Variants in LMBRD2 observed in about 807,000 individuals in gnomAD.
LMBRD2 encodes the protein LMBR1 domain containing 2.
In LMBRD2, 55 loss-of-function variants were observed where a neutral mutation model predicts 94.4. The observed-to-expected ratio is 0.58, with a 90% CI of 0.47 to 0.73. LMBRD2 has a LOEUF of 0.73. Among genes scored for constraint, LMBRD2 ranks in the 30% least tolerant of loss-of-function variants. LMBRD2 has a pLI of 0.00. For synonymous variants in LMBRD2, 246 were observed against 272.4 expected (o/e 0.90, Z 0.95); for missense variants, 640 against 831.9 (o/e 0.77, Z 2.84).
At chr5:36,104,993 T>G in intron 17 of LMBRD2, 75 bp downstream of exon 17, 2 of 1,399,860 alleles carry the variant, frequency 1.4e-6, no homozygotes, top group Non-Finnish European at 1.9e-6. Context: ...TTACTTATTT[T>G]CAATCTTGTC....
intron 6 of LMBRD2, among the ~76,000 whole-genome samples, chr5:36,131,745 C>T (rs888285979): frequency 6.6e-6 from 1 of 151,612 alleles, no homozygotes; most frequent in Non-Finnish European, 1.5e-5. Flanking sequence ...AAATAAAATA[C>T]CAAGGAATTA....
intron 6 of LMBRD2, among the ~76,000 whole-genome samples, chr5:36,129,474 GAA>G (rs368442230): frequency 7.6e-6 from 1 of 132,352 alleles, no homozygotes; most frequent in East Asian, 2.2e-4. Context: ...AATGCTGAAA[GAA>G]AAAAAAAAAA....
chr5:36,141,377 T>TA (rs1481183995), intron 3 of LMBRD2, among the ~76,000 whole-genome samples, 175 bp from the exon 4 acceptor site: 1 of 152,078 alleles, frequency 6.6e-6, no homozygotes, highest in Non-Finnish European at 1.5e-5. Flanking sequence ...ACTGCCAAAC[T>TA]AAAAAAACAC....
intron 9 of LMBRD2, 98 bp from the exon 10 acceptor site, chr5:36,118,014 A>T: frequency 4.1e-6 from 4 of 975,112 alleles, no homozygotes; most frequent in Non-Finnish European, 6.0e-6. Flanking sequence ...ACTTAATTAC[A>T]AAGAGAAAAA....
Position 36,122,372 on chromosome 5 carries a change from T to C in LMBRD2, c.1028A>G (p.Asn343Ser). ...QAFYLEDVAK[N>S]ETSATHQFVH... ...AAACTGATGAGTAGCACTAGTTTCA[T>C]TTTTTGCTACATCTTCTAGATAAAA... The change falls in exon 9 of 18, where the codon AAT becomes AGT. Residue 343 changes from asparagine to serine, a missense_variant. By Grantham distance (46) the Asn-to-Ser change is conservative (BLOSUM62 1). Transcript: ENST00000296603. 2 of 1,612,998 alleles carry C rather than the reference T, an allele frequency of 1.2e-6. No individual in the cohort carries two copies. The highest frequency in any genetic ancestry group is 8.5e-7 in the Non-Finnish European group (1 of 1,179,372).
chr5:36,127,741 T>A (rs1744039662), intron 6 of LMBRD2, among the ~76,000 whole-genome samples: 2 of 152,166 alleles, frequency 1.3e-5, no homozygotes, highest in Admixed American at 6.5e-5. Context: ...GGTACCAGTT[T>A]AGCCACAGGT....
intron 1 of LMBRD2, among the ~76,000 whole-genome samples, chr5:36,145,545 G>C (rs918691356): frequency 2.6e-5 from 4 of 152,212 alleles, no homozygotes; most frequent in Non-Finnish European, 5.9e-5. Flanking sequence ...TTTAAGCTAA[G>C]CATAGATTAA....
At position 36,122,858 on chromosome 5, in the gene LMBRD2, A is replaced by G; in HGVS notation, c.926T>C (p.Leu309Pro). The G allele has an allele frequency of 6.3e-7, 1 of 1,594,584 alleles. No individual in the cohort carries two copies. Among genetic ancestry groups the G allele is most frequent in the Non-Finnish European group, 8.5e-7 (1 of 1,174,382 alleles). Reference protein sequence around the residue: ...IYPSEKSLVKLHKQVIYSVQR... With the variant: ...IYPSEKSLVKPHKQVIYSVQR... ...AATTAACAAAGTTACCTGTTTATGCAGTTTTACCAGACTTTTTTCACTTGG... is the reference window on the plus strand; with the variant it reads ...AATTAACAAAGTTACCTGTTTATGCGGTTTTACCAGACTTTTTTCACTTGG... The change falls in exon 8 of 18, where the codon CTG becomes CCG. Residue 309 changes from leucine to proline, a missense_variant. By Grantham distance (98) the Leu-to-Pro change is moderately conservative (BLOSUM62 -3). This residue lies in a region of LMBRD2 where 457 missense variants were observed against 642.8 expected (regional missense o/e 0.71). Transcript: ENST00000296603.
chr5:36,111,377 A>G, intron 13 of LMBRD2, 119 bp from the exon 14 acceptor site: 1 of 727,818 alleles, frequency 1.4e-6, no homozygotes, highest in Non-Finnish European at 2.4e-6. Context: ...CTGTTATCAT[A>G]TAGTTATCTA....
At chr5:36,132,128 AT>A (rs1407813294) in intron 6 of LMBRD2, among the ~76,000 whole-genome samples, 1 of 152,122 alleles carries the variant, frequency 6.6e-6, no homozygotes, top group Non-Finnish European at 1.5e-5. Context: ...ATGGTACAGA[AT>A]AGAGAACTCC....
intron 1 of LMBRD2, among the ~76,000 whole-genome samples, chr5:36,145,513 C>T (rs911767037): frequency 6.6e-6 from 1 of 152,244 alleles, no homozygotes; most frequent in Admixed American, 6.5e-5. Flanking sequence ...GCATGCGCCA[C>T]AGCGCCCAGC....
chr5:36,128,617 T>C (rs148575092), intron 6 of LMBRD2, among the ~76,000 whole-genome samples: 1 of 152,132 alleles, frequency 6.6e-6, no homozygotes, highest in East Asian at 1.9e-4. Context: ...ACCAGCTACT[T>C]GGGAGGCTGA....
In LMBRD2 at chr5:36,108,556, G is replaced by A; in HGVS notation, c.1875C>T (p.Phe625=). The A allele has an allele frequency of 6.3e-7, 1 of 1,583,092 alleles. No individual in the cohort carries two copies. The highest frequency in any genetic ancestry group is 8.6e-7 in the Non-Finnish European group (1 of 1,157,662). Residue 625 remains phenylalanine (F), a synonymous_variant, in exon 16 of 18, where the codon TTC becomes TTT. Transcript: ENST00000296603. ...TACAACGGTTGGTATTAACATCTGA[G>A]AAGTTTGACTCTTTGGGGTCAGTAT... ...NIHTDPKESN[F]SDVNTNRSAF...
intron 12 of LMBRD2, among the ~76,000 whole-genome samples, chr5:36,114,756 A>T (rs1419525150): frequency 1.3e-5 from 2 of 152,166 alleles, no homozygotes; most frequent in Non-Finnish European, 2.9e-5. Context: ...GACTACAAAT[A>T]TAAAGTTAAT....
intron 17 of LMBRD2, among the ~76,000 whole-genome samples, chr5:36,104,318 A>G (rs1005568269): frequency 1.3e-4 from 20 of 151,988 alleles, no homozygotes; most frequent in African/African-American, 4.8e-4. Flanking sequence ...CCTAGAATAT[A>G]TGCATGACAG....
chr5:36,122,615 G>A (rs979332086), intron 8 of LMBRD2, 152 bp from the exon 9 acceptor site: 54 of 871,556 alleles, frequency 6.2e-5, no homozygotes, highest in Non-Finnish European at 8.6e-5. Flanking sequence ...CCAAAATGAT[G>A]TAACAGTTTT....
chr5:36,149,397 C>A (rs1021946322), intron 1 of LMBRD2, among the ~76,000 whole-genome samples: 1 of 152,212 alleles, frequency 6.6e-6, no homozygotes, highest in Non-Finnish European at 1.5e-5. Context: ...CAGACTTATA[C>A]AATGCAGAAT....
At chr5:36,138,659 A>G (rs1744330184) in intron 4 of LMBRD2, among the ~76,000 whole-genome samples, 1 of 152,206 alleles carries the variant, frequency 6.6e-6, no homozygotes, top group African/African-American at 2.4e-5. Context: ...GAAAAAAGTC[A>G]AACTAAACAC....
At chr5:36,129,750 C>T (rs1317344421) in intron 6 of LMBRD2, among the ~76,000 whole-genome samples, 1 of 152,178 alleles carries the variant, frequency 6.6e-6, no homozygotes, top group Non-Finnish European at 1.5e-5. Flanking sequence ...GAAAACTACT[C>T]ATATCTTGAG....
Sources: gnomAD v4.1 joint callset for allele counts (sites outside exome capture counted in the v4.1 genomes callset) on GRCh38, gnomAD v4.1.1 for gene constraint, gnomAD v4.1.1 regional missense constraint, MANE v1.5 for transcripts, NCBI Gene and HGNC (gene_info 2026-07-23, HGNC 2026-07-21) for gene names.